The following FBXO21 variants were observed in gnomAD, a reference collection of about 807,000 sequenced individuals.
FBXO21 encodes F-box protein 21.
A neutral mutation model predicts 76.6 loss-of-function variants in FBXO21; 32 were observed. The ratio of observed to expected loss-of-function variants is 0.42; its 90% CI spans 0.32 to 0.56. The LOEUF (loss-of-function observed/expected upper bound fraction) is 0.56, where lower values mean the gene tolerates loss of function less well. Ranked by LOEUF, FBXO21 falls within the 20% of genes least tolerant of loss-of-function variation. The probability of loss-of-function intolerance (pLI) is 0.16; values close to 1 mark genes in which losing one functional copy is unlikely to be tolerated. For missense variants in FBXO21, 586 were observed against 797.3 expected, an observed-to-expected ratio of 0.73 and a Z score of 3.19; for synonymous variants, 328 against 311.5, an observed-to-expected ratio of 1.05 and a Z score of -0.56.
rs868354353 is a variant in FBXO21 at position 117,146,031 on chromosome 12, T to A, written c.*56A>T. 7 of 1,426,092 alleles carry A rather than the reference T, an allele frequency of 4.9e-6. No homozygotes were observed. The African/African-American group carries it at 5.7e-5, about 12-fold the overall frequency. 88.3% of individuals were successfully genotyped at this position (1,426,092 alleles called of 1,614,324 possible). A position where few individuals can be genotyped will look rare whatever the true frequency, so the allele number is the denominator to read the frequency against. The stretch of plus-strand genomic sequence containing the variant: ...TCCGTGGAGACGTCTTCTTCCGGAG[T>A]CCCGTTCTCTTGGAAGATAGCAGCA... On this transcript the variant is annotated 3_prime_UTR_variant, in exon 12 of 12. Transcript: ENST00000622495.
In FBXO21 at chr12:117,157,864, G is replaced by C. The variant is rs1955934831; in HGVS notation, c.1517+9C>G. Reference sequence around the variant, plus strand: ...GGACACTGCAGGACAGATGATCCCGGGCACTCACCTCTTATGCTTCATAAT... The same window carrying C: ...GGACACTGCAGGACAGATGATCCCGCGCACTCACCTCTTATGCTTCATAAT... On this transcript the variant is annotated intron_variant, in intron 10 of 11. Transcript: ENST00000622495. The C allele has an allele frequency of 6.3e-7, 1 of 1,589,122 alleles. No homozygotes were observed.
At chr12:117,160,291 C>G (rs79016045) in intron 9 of FBXO21, among the ~76,000 whole-genome samples, 3,495 of 152,266 alleles carry the variant, frequency 0.023, 132 homozygotes, top group African/African-American at 0.08. Context: ...CTATAGTTTG[C>G]TGGCCCCTGC....
chr12:117,185,070 C>T (rs941509545), intron 3 of FBXO21, among the ~76,000 whole-genome samples: 3 of 152,066 alleles, frequency 2.0e-5, no homozygotes, highest in Non-Finnish European at 1.5e-5. Flanking sequence ...AGAGAAAAAC[C>T]AGGTCTGTAC....
chr12:117,155,070 TTTA>T (rs1291666061), intron 11 of FBXO21: 1 of 152,286 alleles, frequency 6.6e-6, no homozygotes, highest in African/African-American at 2.4e-5. Context: ...CACATTCATT[TTTA>T]TTAATAAATG....
At chr12:117,147,300 A>T (rs1374827624) in intron 11 of FBXO21, among the ~76,000 whole-genome samples, 1 of 117,062 alleles carries the variant, frequency 8.5e-6, no homozygotes, top group East Asian at 2.8e-4. Context: ...GAAAAAAAAA[A>T]AAAAAAAGAA....
intron 7 of FBXO21, among the ~76,000 whole-genome samples, chr12:117,167,745 CA>C (rs113871818): frequency 0.031 from 4,117 of 134,418 alleles, 199 homozygotes; most frequent in East Asian, 0.24. Flanking sequence ...GACTCTGTCT[CA>C]AAAAAAAAAA....
At position 117,189,209 on chromosome 12, in the gene FBXO21, A is replaced by C. The variant is rs577383626; in HGVS notation, c.375+18T>G. 22 of 1,614,192 alleles carry C rather than the reference A, an allele frequency of 1.4e-5. No individual in the cohort carries two copies. Among genetic ancestry groups the C allele is most frequent in the Non-Finnish European group, 1.9e-5 (22 of 1,180,006 alleles). On this transcript the variant is annotated intron_variant, in intron 2 of 11. Coordinates refer to ENST00000622495, the MANE Select transcript of FBXO21 (RefSeq NM_015002.3). ...CACCAGCAAGCCAAAGCTTAGAGCC[A>C]CATCAACAGATCCTTACGTGCTCTG... is the stretch of plus-strand genomic sequence containing the variant.
Position 117,155,884 on chromosome 12 carries a change from G to A in FBXO21, c.1582C>T (p.Arg528Trp). The change falls in exon 11 of 12, where the codon CGG becomes TGG. Residue 528 changes from arginine (R) to tryptophan (W), a missense_variant. Transcript: ENST00000622495. ...GGCAGGCTGTGGACGTTCATGTTCC[G>A]GATCCACTCGTGTCCCATCATGCAG... is the stretch of plus-strand genomic sequence containing the variant. ...PTCMMGHEWI[R>W]NMNVHSLPHG... 3 of 1,614,182 alleles carry A rather than the reference G, an allele frequency of 1.9e-6. No individual in the cohort carries two copies. The highest frequency in any genetic ancestry group is 2.5e-6 in the Non-Finnish European group (3 of 1,180,018).
intron 8 of FBXO21, 138 bp from the exon 9 acceptor site, chr12:117,165,755 CGA>C (rs1404689825): frequency 3.8e-6 from 3 of 789,602 alleles, no homozygotes; most frequent in Admixed American, 5.9e-5. Context: ...CTCAGCTCAA[CGA>C]AGAGATACAA....
At chr12:117,181,777 G>A (rs953883396) in intron 3 of FBXO21, among the ~76,000 whole-genome samples, 4 of 152,128 alleles carry the variant, frequency 2.6e-5, no homozygotes, top group African/African-American at 7.2e-5. Context: ...AGCCTCTTGA[G>A]TAGCTGGGAT....
At chr12:117,150,990 G>A (rs1424403588) in intron 11 of FBXO21, among the ~76,000 whole-genome samples, 1 of 150,440 alleles carries the variant, frequency 6.6e-6, no homozygotes, top group Non-Finnish European at 1.5e-5. Flanking sequence ...GTGTGTGTGT[G>A]TGTGTGTGTG....
intron 9 of FBXO21, among the ~76,000 whole-genome samples, 161 bp downstream of exon 9, chr12:117,165,324 A>T (rs1956041121): frequency 6.6e-6 from 1 of 152,198 alleles, no homozygotes; most frequent in Non-Finnish European, 1.5e-5. Flanking sequence ...CCTTAGAATA[A>T]GAGAAGTAAA....
chr12:117,149,757 T>TC (rs1485911962), intron 11 of FBXO21, among the ~76,000 whole-genome samples: 3 of 152,234 alleles, frequency 2.0e-5, no homozygotes, highest in Admixed American at 1.3e-4. Context: ...CTTTTTCCTT[T>TC]CTATGTATTA....
intron 3 of FBXO21, among the ~76,000 whole-genome samples, chr12:117,181,893 T>C (rs1437493277): frequency 6.6e-6 from 1 of 152,136 alleles, no homozygotes; most frequent in Non-Finnish European, 1.5e-5. Flanking sequence ...TCAGGTGATC[T>C]GCCCACCTCA....
rs757632362 is a variant in FBXO21 at position 117,174,693 on chromosome 12, G to A, written c.697C>T (p.Arg233Trp). ...SIVELVCKTL[R>W]GINSRHPSLA... ...CTGGGGTGGCGACTGTTTATGCCCC[G>A]AAGGGTTTTGCAAACAAGCTCCACG... The change falls in exon 5 of 12, where the codon CGG becomes TGG. Residue 233 changes from arginine to tryptophan, a missense_variant. Around this residue, in one of 6 missense-constraint regions of FBXO21, gnomAD observed 246 missense variants for 356.8 expected, o/e 0.69. Transcript: ENST00000622495. The A allele has an allele frequency of 3.7e-6, 6 of 1,614,130 alleles. No homozygotes were observed. The highest frequency in any genetic ancestry group is 1.7e-5 in the Admixed American group (1 of 60,014).
At chr12:117,161,386 C>T (rs1187186891) in intron 9 of FBXO21, among the ~76,000 whole-genome samples, 3 of 152,114 alleles carry the variant, frequency 2.0e-5, no homozygotes, top group East Asian at 3.9e-4. Context: ...AGGGCCAGAC[C>T]GCCGAGAACC....
At position 117,162,215 on chromosome 12, in the gene FBXO21, G is replaced by A. The variant is rs536932026; in HGVS notation, c.1326+3270C>T. ...CCTTTTCCACTGAAAGGAAGAGAAAGAGGGAAAGGAGAACTATGGATCATG... is the reference window on the plus strand; with the variant it reads ...CCTTTTCCACTGAAAGGAAGAGAAAAAGGGAAAGGAGAACTATGGATCATG... On this transcript the variant is annotated intron_variant, in intron 9 of 11. Coordinates refer to ENST00000622495, the MANE Select transcript of FBXO21 (RefSeq NM_015002.3). Among the ~76,000 whole-genome samples, 15 of 152,324 alleles carry A rather than the reference G, an allele frequency of 9.8e-5. No homozygotes were observed. The South Asian group carries it at 3.1e-3, about 32-fold the overall frequency.
At chr12:117,168,432 G>A (rs766493768) in intron 7 of FBXO21, among the ~76,000 whole-genome samples, 1 of 152,068 alleles carries the variant, frequency 6.6e-6, no homozygotes, top group African/African-American at 2.4e-5. Context: ...GCTGAGGCAG[G>A]AGAATCACTT....
chr12:117,173,213 T>G (rs1170983878), intron 6 of FBXO21, among the ~76,000 whole-genome samples: 1 of 152,150 alleles, frequency 6.6e-6, no homozygotes, highest in Non-Finnish European at 1.5e-5. Context: ...GCATTTTTAG[T>G]AGAAACAGGG....
Sources: allele counts gnomAD v4.1 joint callset (sites outside exome capture counted in the v4.1 genomes callset), GRCh38; gene constraint gnomAD v4.1.1; regional missense constraint gnomAD v4.1.1; transcripts MANE v1.5; gene names NCBI Gene and HGNC (gene_info 2026-07-23, HGNC 2026-07-21).